BRAF: variants seen among roughly 807,000 people sequenced by gnomAD.
BRAF encodes the protein serine/threonine-protein kinase B-raf.
A neutral mutation model predicts 104.6 loss-of-function variants in BRAF; 16 were observed. The ratio of observed to expected loss-of-function variants is 0.15; its 90% confidence interval spans 0.10 to 0.23. The LOEUF is 0.23. Among genes scored for constraint, BRAF ranks in the 10% least tolerant of loss-of-function variants. BRAF has a pLI of 1.00. For missense variants in BRAF, 541 were observed against 937.3 expected, an observed-to-expected ratio of 0.58 and a Z score of 5.52; for synonymous variants, 310 against 341.6, an observed-to-expected ratio of 0.91 and a Z score of 1.02.
chr7:140,843,198 T>C (rs747250816), intron 2 of BRAF, among the ~76,000 whole-genome samples: 2 of 152,192 alleles, frequency 1.3e-5, no homozygotes, highest in Admixed American at 6.5e-5. Flanking sequence ...CAATGAGATA[T>C]AAAAGGAAGA....
chr7:140,753,230 C>G (rs1198315740), intron 16 of BRAF, 45 bp downstream of exon 15: 1 of 1,468,860 alleles, frequency 6.8e-7, no homozygotes, highest in Non-Finnish European at 9.5e-7. Context: ...AGCAGCATCT[C>G]AGGGCCAAAA....
intron 1 of BRAF, among the ~76,000 whole-genome samples, chr7:140,868,915 T>A (rs924132574): frequency 6.6e-6 from 1 of 152,162 alleles, no homozygotes; most frequent in African/African-American, 2.4e-5. Flanking sequence ...TGATAAGATG[T>A]GTCAGATGCT....
At chr7:140,787,630 T>C in intron 8 of BRAF, 46 bp from the exon 9 acceptor site, 1 of 1,534,260 alleles carries the variant, frequency 6.5e-7, no homozygotes, top group Non-Finnish European at 9.0e-7. Flanking sequence ...AAGCATATAA[T>C]CAGAGAGTAG....
intron 2 of BRAF, among the ~76,000 whole-genome samples, chr7:140,836,568 T>G (rs966830456): frequency 1.3e-5 from 2 of 152,218 alleles, no homozygotes; most frequent in African/African-American, 4.8e-5. Flanking sequence ...TACAGCCTGC[T>G]AGTTGCCCTA....
chr7:140,730,256 C>T (rs1795862253), intron 19 of BRAF, among the ~76,000 whole-genome samples: 1 of 151,656 alleles, frequency 6.6e-6, no homozygotes, highest in African/African-American at 2.4e-5. Flanking sequence ...TACCTAGATA[C>T]TCTATGTCTT....
At chr7:140,808,816 A>C in intron 4 of BRAF, 76 bp downstream of exon 4, 1 of 1,209,004 alleles carries the variant, frequency 8.3e-7, no homozygotes, top group South Asian at 1.2e-5. Flanking sequence ...GTTTTGGTAA[A>C]GATCCTAAGA....
intron 1 of BRAF, among the ~76,000 whole-genome samples, chr7:140,890,812 T>G (rs951218031): frequency 1.3e-5 from 2 of 152,174 alleles, no homozygotes; most frequent in African/African-American, 4.8e-5. Context: ...CACCCATATC[T>G]GAGCAAAAGG....
At chr7:140,850,085 A>G (rs1351215032) in intron 2 of BRAF, 26 bp downstream of exon 2, 2 of 1,484,508 alleles carry the variant, frequency 1.3e-6, no homozygotes, top group South Asian at 1.1e-5. Context: ...TTTCAAAATT[A>G]CTAGATATGA....
rs1025937509 is a variant in BRAF, at chr7:140,887,504, A to G, written c.138+37062T>C. On this transcript the variant is annotated intron_variant, in intron 1 of 19. Transcript: ENST00000644969. The stretch of plus-strand genomic sequence containing the variant: ...GAGTTGGTTAGGTGGAGGTCAGTTC[A>G]GAGAGCTAAAATTACTTTTCCCTTT... 5.3e-5 allele frequency among the ~76,000 whole-genome samples: 8 copies of G among 151,906 alleles called. No homozygotes were observed. The East Asian group carries it at 1.5e-3, about 29-fold the overall frequency.
chr7:140,796,067 C>T (rs980077971), intron 7 of BRAF, among the ~76,000 whole-genome samples: 1 of 152,034 alleles, frequency 6.6e-6, no homozygotes, highest in Non-Finnish European at 1.5e-5. Flanking sequence ...AGTCTCAAGG[C>T]AGGCCAGGTG....
At chr7:140,731,293 A>T (rs1795943906) in intron 19 of BRAF, 1 of 152,266 alleles carries the variant, frequency 6.6e-6, no homozygotes, top group Non-Finnish European at 1.5e-5. Flanking sequence ...CTGGGATTAC[A>T]GCGTGAGCCA....
In BRAF at chr7:140,771,137, T is replaced by C. The variant is rs537096420; in HGVS notation, c.1814+5775A>G. 3.3e-5 allele frequency among the ~76,000 whole-genome samples: 5 copies of C among 152,280 alleles called. No homozygotes were observed. The East Asian group carries it at 9.7e-4, about 29-fold the overall frequency. ...ATGTTACCTATCCATTTTTTGCTTA[T>C]ATTCTGTAATCCAATAAAGGTGACA... On this transcript the variant is annotated intron_variant, in intron 14 of 19. Transcript: ENST00000644969.
At chr7:140,741,292 TA>T (rs1282306034) in intron 17 of BRAF, 1 of 152,192 alleles carries the variant, frequency 6.6e-6, no homozygotes, top group African/African-American at 2.4e-5. Context: ...TCAAATAAAT[TA>T]AGTAACTTGC....
chr7:140,875,243 T>C (rs918693796), intron 1 of BRAF, among the ~76,000 whole-genome samples: 9 of 152,244 alleles, frequency 5.9e-5, no homozygotes, highest in South Asian at 2.1e-4. Flanking sequence ...GAAGAAATAA[T>C]GTCAAAAGCC....
intron 1 of BRAF, among the ~76,000 whole-genome samples, chr7:140,873,887 G>C (rs1405762970): frequency 6.6e-6 from 1 of 152,136 alleles, no homozygotes; most frequent in Non-Finnish European, 1.5e-5. Flanking sequence ...TACTGGCCTT[G>C]AAATATTTGA....
In BRAF at chr7:140,865,515, T is replaced by C. The variant is rs541506663; in HGVS notation, c.139-15303A>G. On this transcript the variant is annotated intron_variant, in intron 1 of 19. Transcript: ENST00000644969. ...AAGTGCAGGCAGGTAGCGGGCATTT[T>C]GTCAGGCCCATATGATGAAAAGAGA... Among the ~76,000 whole-genome samples the C allele has an allele frequency of 1.1e-4, 16 of 152,336 alleles. No individual in the cohort carries two copies. In the South Asian group the frequency reaches 1.4e-3, roughly 14 times the overall value.
intron 1 of BRAF, chr7:140,884,032 A>C (rs551366951): frequency 6.6e-6 from 1 of 152,310 alleles, no homozygotes; most frequent in South Asian, 2.1e-4. Context: ...AAATCAAAGA[A>C]AGAACGGCCA....
Position 140,722,190 on chromosome 7 carries a change from T to C in BRAF, c.*4304A>G, listed in dbSNP as rs1030270744. ...ACCTAGTTGCTCTATGTGATAAATA[T>C]ATCTGACTATACTAGGGATTATGTG... On this transcript the variant is annotated 3_prime_UTR_variant, in exon 20 of 20. Transcript: ENST00000644969. The C allele has an allele frequency of 1.9e-6, 2 of 1,058,336 alleles. No homozygotes were observed. The highest frequency in any genetic ancestry group is 4.2e-4 in the Middle Eastern group (1 of 2,390). The allele number at this position is 1,058,336 out of a possible 1,614,324, so 65.6% of individuals were successfully genotyped here.
chr7:140,713,439 C>T, the BRAF span, among the ~76,000 whole-genome samples: 16 of 152,262 alleles, frequency 1.1e-4, no homozygotes, highest in South Asian at 2.5e-3. Context: ...ACGTAGCTCT[C>T]GTGCCTTGGT....
Sources: allele counts gnomAD v4.1 joint callset (sites outside exome capture counted in the v4.1 genomes callset), GRCh38; gene constraint gnomAD v4.1.1; transcripts MANE v1.5; gene names NCBI Gene and HGNC (gene_info 2026-07-23, HGNC 2026-07-21).